Variants in NCKAP5 observed in about 807,000 individuals in gnomAD.
NCKAP5 encodes the protein NCK associated protein 5, also known as nck-associated protein 5.
In NCKAP5, 92 loss-of-function variants were observed where a neutral mutation model predicts 167.0. That is an observed-to-expected ratio of 0.55 (90% CI 0.47 to 0.66). The LOEUF is 0.66. Ranked by LOEUF, NCKAP5 falls within the 30% of genes least tolerant of loss-of-function variation. The pLI, the probability that NCKAP5 is intolerant of heterozygous loss-of-function variation, is 0.00. For missense variants in NCKAP5, 2,378 were observed against 2,315.0 expected (o/e 1.03, Z -0.56); for synonymous variants, 891 against 877.4 (o/e 1.02, Z -0.27).
At chr2:133,523,300 TCACACA>T (rs57259165) in intron 2 of NCKAP5, among the ~76,000 whole-genome samples, 1,772 of 145,802 alleles carry the variant, frequency 0.012, 17 homozygotes, top group Non-Finnish European at 0.019. Context: ...ATACACACAG[TCACACA>T]CACACACACA....
At chr2:132,697,346 T>C (rs1490626440) in intron 19 of NCKAP5, among the ~76,000 whole-genome samples, 2 of 152,224 alleles carry the variant, frequency 1.3e-5, no homozygotes, top group Non-Finnish European at 2.9e-5. Flanking sequence ...TTTTATATTT[T>C]GTACATTTAA....
intron 4 of NCKAP5, among the ~76,000 whole-genome samples, chr2:133,259,491 T>C (rs1184829930): frequency 6.6e-6 from 1 of 152,196 alleles, no homozygotes; most frequent in African/African-American, 2.4e-5. Context: ...TCTCCAACTA[T>C]GTCAGTGTAG....
At chr2:133,224,494 G>T (rs1291191605) in intron 4 of NCKAP5, among the ~76,000 whole-genome samples, 1 of 152,176 alleles carries the variant, frequency 6.6e-6, no homozygotes, top group Non-Finnish European at 1.5e-5. Flanking sequence ...AGTCATATGT[G>T]TAGCATTTTG....
chr2:132,921,445 C>T (rs749684442), intron 8 of NCKAP5, among the ~76,000 whole-genome samples: 7 of 152,182 alleles, frequency 4.6e-5, no homozygotes, highest in Admixed American at 2.6e-4. Context: ...CTCAATATAA[C>T]ATCCCCATAA....
chr2:133,060,617 C>G (rs183140872), intron 6 of NCKAP5, among the ~76,000 whole-genome samples: 1 of 152,264 alleles, frequency 6.6e-6, no homozygotes, highest in African/African-American at 2.4e-5. Flanking sequence ...TAAATGCCAT[C>G]AAGAATCTGA....
intron 6 of NCKAP5, among the ~76,000 whole-genome samples, chr2:133,006,530 G>T (rs539569302): frequency 6.6e-6 from 1 of 151,502 alleles, no homozygotes; most frequent in African/African-American, 2.4e-5. Flanking sequence ...ATTAAGAATT[G>T]AATGACTTGA....
At chr2:132,761,669 C>A (rs934245270) in intron 16 of NCKAP5, among the ~76,000 whole-genome samples, 2 of 152,204 alleles carry the variant, frequency 1.3e-5, no homozygotes, top group African/African-American at 2.4e-5. Flanking sequence ...TTCTTTTGAA[C>A]TGAGCCCACA....
At chr2:133,499,199 T>C (rs1237563901) in intron 3 of NCKAP5, among the ~76,000 whole-genome samples, 2 of 152,254 alleles carry the variant, frequency 1.3e-5, no homozygotes, top group Non-Finnish European at 2.9e-5. Flanking sequence ...ACCAAAGGAA[T>C]ATGAGCTGTT....
intron 7 of NCKAP5, among the ~76,000 whole-genome samples, chr2:132,991,818 C>G (rs561943373): frequency 6.6e-6 from 1 of 152,258 alleles, no homozygotes; most frequent in East Asian, 1.9e-4. Context: ...AATAAATTTC[C>G]CAGCTCTTGC....
chr2:132,950,956 G>C (rs1234786971), intron 8 of NCKAP5, among the ~76,000 whole-genome samples: 4 of 152,160 alleles, frequency 2.6e-5, no homozygotes, highest in Non-Finnish European at 5.9e-5. Flanking sequence ...TATTTTTCCT[G>C]TTTCTAAGAA....
the NCKAP5 span, among the ~76,000 whole-genome samples, chr2:133,645,256 A>T: frequency 6.6e-6 from 1 of 152,208 alleles, no homozygotes; most frequent in East Asian, 1.9e-4. Context: ...TCATTAACAA[A>T]ATAATTGTAA....
chr2:132,721,752 C>A (rs140420613), intron 19 of NCKAP5, among the ~76,000 whole-genome samples: 337 of 152,356 alleles, frequency 2.2e-3, no homozygotes, highest in Non-Finnish European at 3.0e-3. Context: ...ATTTTCCCTT[C>A]CTGGCAGCAT....
chr2:133,278,735 C>T (rs557689500), intron 4 of NCKAP5, among the ~76,000 whole-genome samples: 1 of 136,870 alleles, frequency 7.3e-6, no homozygotes, highest in South Asian at 2.4e-4. Context: ...TGGGAGAAAA[C>T]ATTTGTAGTG....
intron 8 of NCKAP5, among the ~76,000 whole-genome samples, chr2:132,895,346 CAAAAAAAA>C (rs563409400): frequency 1.4e-5 from 1 of 71,928 alleles, no homozygotes; most frequent in Non-Finnish European, 3.6e-5. Flanking sequence ...GACTCTGTCT[CAAAAAAAA>C]AAAAAAAAAA....
chr2:133,512,675 A>G (rs764242984), intron 3 of NCKAP5, among the ~76,000 whole-genome samples: 1 of 152,236 alleles, frequency 6.6e-6, no homozygotes, highest in African/African-American at 2.4e-5. Flanking sequence ...GAAGATAAAC[A>G]GCAGAGATTT....
At chr2:132,797,700 T>C (rs1684716525) in intron 11 of NCKAP5, among the ~76,000 whole-genome samples, 1 of 152,226 alleles carries the variant, frequency 6.6e-6, no homozygotes, top group Non-Finnish European at 1.5e-5. Flanking sequence ...AGAAATGCCT[T>C]TGCTTCTTTG....
At chr2:133,486,833 G>A (rs1038643644) in intron 3 of NCKAP5, among the ~76,000 whole-genome samples, 1 of 152,142 alleles carries the variant, frequency 6.6e-6, no homozygotes, top group African/African-American at 2.4e-5. Context: ...AATCATTGAT[G>A]GACACCAGTT....
At chr2:133,296,125 G>A (rs1303855403) in intron 4 of NCKAP5, among the ~76,000 whole-genome samples, 1 of 152,132 alleles carries the variant, frequency 6.6e-6, no homozygotes, top group Non-Finnish European at 1.5e-5. Flanking sequence ...AGCTGCTCCT[G>A]TGGGTAACAT....
the NCKAP5 span, among the ~76,000 whole-genome samples, chr2:133,634,403 T>C: frequency 6.6e-6 from 1 of 152,210 alleles, no homozygotes; most frequent in African/African-American, 2.4e-5. Context: ...TGCCACAATA[T>C]GTTAGTTGTA....
Sources: gnomAD v4.1 joint callset for allele counts (sites outside exome capture counted in the v4.1 genomes callset) on GRCh38, gnomAD v4.1.1 for gene constraint, MANE v1.5 for transcripts, NCBI Gene and HGNC (gene_info 2026-07-23, HGNC 2026-07-21) for gene names.